Variants in GTF2E1 observed in about 807,000 individuals in gnomAD.
GTF2E1 encodes the protein TFIIE alpha subunit.
GTF2E1 carries 14 observed loss-of-function variants against 34.9 expected under a neutral mutation model. That is an observed-to-expected ratio of 0.40 (90% CI 0.27 to 0.63). GTF2E1 has a LOEUF of 0.63. GTF2E1 is among the 20% of genes least tolerant of loss of function. The pLI, the probability that GTF2E1 is intolerant of heterozygous loss-of-function variation, is 0.39. For synonymous variants in GTF2E1, 188 were observed against 192.9 expected (o/e 0.97, Z 0.21); for missense variants, 469 against 557.7 (o/e 0.84, Z 1.60).
At chr3:120,763,103 A>G (rs1411402575) in intron 2 of GTF2E1, among the ~76,000 whole-genome samples, 1 of 152,134 alleles carries the variant, frequency 6.6e-6, no homozygotes, top group African/African-American at 2.4e-5. Context: ...AAGCTCCCCA[A>G]TTCACTACCT....
intron 2 of GTF2E1, among the ~76,000 whole-genome samples, chr3:120,765,976 A>G (rs1709304093): frequency 6.6e-6 from 1 of 152,076 alleles, no homozygotes; most frequent in African/African-American, 2.4e-5. Context: ...TTGATCTTAT[A>G]TGTGAAAAGG....
chr3:120,746,349 C>A (rs1403708628), intron 1 of GTF2E1, among the ~76,000 whole-genome samples: 1 of 151,948 alleles, frequency 6.6e-6, no homozygotes, highest in Non-Finnish European at 1.5e-5. Flanking sequence ...ATTAGACAGG[C>A]GTGGTGGTGC....
chr3:120,747,207 T>TTTTTA (rs957011802), intron 1 of GTF2E1, among the ~76,000 whole-genome samples: 7 of 150,890 alleles, frequency 4.6e-5, no homozygotes, highest in East Asian at 3.9e-4. Context: ...GAAGCCCAGG[T>TTTTTA]TTTTATTTTA....
At chr3:120,750,433 C>T (rs1709154551) in intron 1 of GTF2E1, 90 bp from the exon 2 acceptor site, 5 of 748,426 alleles carry the variant, frequency 6.7e-6, no homozygotes, top group Non-Finnish European at 9.1e-6. Context: ...TTTTTAAACA[C>T]TTTGGGTACT....
At chr3:120,764,352 T>TTC (rs1709289441) in intron 2 of GTF2E1, among the ~76,000 whole-genome samples, 1 of 152,146 alleles carries the variant, frequency 6.6e-6, no homozygotes, top group Non-Finnish European at 1.5e-5. Context: ...AAACCCACTG[T>TTC]TCTGGGGTGA....
At chr3:120,766,250 G>A (rs1319496407) in intron 2 of GTF2E1, among the ~76,000 whole-genome samples, 1 of 152,096 alleles carries the variant, frequency 6.6e-6, no homozygotes, top group Non-Finnish European at 1.5e-5. Flanking sequence ...TTCCACTGGG[G>A]ATTTTTATGC....
intron 3 of GTF2E1, among the ~76,000 whole-genome samples, chr3:120,774,553 A>G (rs1709382326): frequency 6.6e-6 from 1 of 152,126 alleles, no homozygotes; most frequent in Admixed American, 6.6e-5. Flanking sequence ...TGATACACAA[A>G]GTAACATCAA....
chr3:120,778,635 G>T (rs910470730), intron 4 of GTF2E1, among the ~76,000 whole-genome samples: 5 of 152,104 alleles, frequency 3.3e-5, no homozygotes, highest in African/African-American at 1.2e-4. Context: ...GAGACATAGT[G>T]ACCAGAATGA....
chr3:120,757,845 G>A (rs1480009646), intron 2 of GTF2E1, among the ~76,000 whole-genome samples: 1 of 152,200 alleles, frequency 6.6e-6, no homozygotes. Context: ...TATGGCATTC[G>A]TTTTCTTTCT....
At chr3:120,749,276 A>G (rs1172599863) in intron 1 of GTF2E1, among the ~76,000 whole-genome samples, 1 of 152,058 alleles carries the variant, frequency 6.6e-6, no homozygotes, top group East Asian at 1.9e-4. Flanking sequence ...CCTGGCCAGA[A>G]CTTCCAACAC....
In GTF2E1 at chr3:120,749,104, G is replaced by A. The variant is rs1277790471; in HGVS notation, c.-30-1419G>A. Among the ~76,000 whole-genome samples, 10 of 152,020 alleles carry A rather than the reference G, an allele frequency of 6.6e-5. 1 individual carries two copies. The highest frequency in any genetic ancestry group is 4.1e-4 in the South Asian group (2 of 4,820). Reference sequence around the variant, plus strand: ...TGTGATTTTTGTACATTGATTTTGTGTCCTGAGACTTTTTGCTGAAGTTGC... The same window carrying A: ...TGTGATTTTTGTACATTGATTTTGTATCCTGAGACTTTTTGCTGAAGTTGC... On this transcript the variant is annotated intron_variant, in intron 1 of 4. Transcript: ENST00000283875.
intron 2 of GTF2E1, among the ~76,000 whole-genome samples, chr3:120,752,851 C>G (rs1247992491): frequency 6.6e-6 from 1 of 152,146 alleles, no homozygotes; most frequent in East Asian, 1.9e-4. Context: ...TGCCTGAGAG[C>G]AAGAATAAGC....
intron 2 of GTF2E1, among the ~76,000 whole-genome samples, chr3:120,755,701 A>C (rs1709202302): frequency 6.6e-6 from 1 of 152,166 alleles, no homozygotes; most frequent in Non-Finnish European, 1.5e-5. Context: ...TGTGCTATCA[A>C]ATAGTAGGTC....
chr3:120,770,277 A>C (rs1709340900), intron 2 of GTF2E1, among the ~76,000 whole-genome samples: 2 of 152,266 alleles, frequency 1.3e-5, no homozygotes, highest in Middle Eastern at 6.8e-3. Context: ...AATTTTAAAA[A>C]ATAGCCTGTG....
chr3:120,761,245 T>A (rs1312425713), intron 2 of GTF2E1, among the ~76,000 whole-genome samples: 6 of 152,230 alleles, frequency 3.9e-5, no homozygotes. Flanking sequence ...AGTTTGTATT[T>A]CTGTGGGATC....
chr3:120,752,041 C>T (rs1048183075), intron 2 of GTF2E1, among the ~76,000 whole-genome samples: 4 of 151,708 alleles, frequency 2.6e-5, no homozygotes, highest in Admixed American at 2.6e-4. Flanking sequence ...GGGAAATAAC[C>T]CCAATATAAA....
intron 3 of GTF2E1, among the ~76,000 whole-genome samples, chr3:120,775,892 G>A (rs1038874387): frequency 6.6e-6 from 1 of 152,160 alleles, no homozygotes; most frequent in Non-Finnish European, 1.5e-5. Context: ...GGAGAAGAAC[G>A]TTGGTTGAGG....
intron 2 of GTF2E1, among the ~76,000 whole-genome samples, chr3:120,754,937 C>T (rs112179398): frequency 0.018 from 2,764 of 152,056 alleles, 90 homozygotes; most frequent in African/African-American, 0.064. Context: ...TGGAGGATCG[C>T]ATAATGTAAT....
At chr3:120,765,672 C>T (rs748829917) in intron 2 of GTF2E1, among the ~76,000 whole-genome samples, 10 of 152,102 alleles carry the variant, frequency 6.6e-5, no homozygotes, top group Non-Finnish European at 1.5e-4. Context: ...GCCTCTTAAG[C>T]GTTCATTTCC....
Sources: gnomAD v4.1 joint callset for allele counts (sites outside exome capture counted in the v4.1 genomes callset) on GRCh38, gnomAD v4.1.1 for gene constraint, MANE v1.5 for transcripts, NCBI Gene and HGNC (gene_info 2026-07-23, HGNC 2026-07-21) for gene names.